ABCC12: variants seen among roughly 807,000 people sequenced by gnomAD.
The protein encoded by ABCC12 is ATP-binding cassette sub-family C member 12.
ABCC12 carries 142 observed loss-of-function variants against 151.1 expected under a neutral mutation model. The ratio of observed to expected loss-of-function variants is 0.94; its 90% CI spans 0.82 to 1.08. The LOEUF (loss-of-function observed/expected upper bound fraction) is 1.08. ABCC12 is among the 50% of genes least tolerant of loss of function. ABCC12 has a pLI of 0.00. For missense variants in ABCC12, 1,638 were observed against 1,691.1 expected (o/e 0.97, Z 0.55); for synonymous variants, 645 against 646.4 (o/e 1.00, Z 0.03).
Position 48,104,273 on chromosome 16 carries a change from CA to C in ABCC12, c.2768del (p.Leu923ArgfsTer20). 1 of 1,614,274 alleles carries C rather than the reference CA, an allele frequency of 6.2e-7. No homozygotes were observed. Among genetic ancestry groups the C allele is most frequent in the South Asian group, 1.1e-5 (1 of 91,088 alleles). On this transcript the variant is annotated frameshift_variant, in exon 22 of 31. Transcript: ENST00000311303. LOFTEE classifies it high-confidence loss of function. Reference sequence around the variant, plus strand: ...GCAGAAAGTTCTCTGCGTGAAACGGCAGCCTCACATCCAGCTCGTCCATATC... The same window carrying C: ...GCAGAAAGTTCTCTGCGTGAAACGGCGCCTCACATCCAGCTCGTCCATATC... Reference protein sequence around the residue: ...SKDMDELDVRLPFHAENFLQQ... With the variant: ...SKDMDELDVRXPFHAENFLQQ...
At chr16:48,148,698 A>G (rs1016009457) in intron 2 of ABCC12, among the ~76,000 whole-genome samples, 2 of 151,862 alleles carry the variant, frequency 1.3e-5, no homozygotes, top group Non-Finnish European at 2.9e-5. Context: ...CACTCCAGCC[A>G]TGTGGAATAT....
chr16:48,110,290 T>G (rs970853952), intron 18 of ABCC12, among the ~76,000 whole-genome samples: 1 of 152,228 alleles, frequency 6.6e-6, no homozygotes, highest in Non-Finnish European at 1.5e-5. Flanking sequence ...TTTGCTAGTA[T>G]GTCATATCGT....
chr16:48,099,397 AAAAAAT>A (rs994294400), intron 23 of ABCC12, among the ~76,000 whole-genome samples: 47 of 152,196 alleles, frequency 3.1e-4, no homozygotes, highest in Admixed American at 2.8e-3. Context: ...ACTCTGTCTC[AAAAAAT>A]AAAAATAAAA....
rs1962401932 is a variant in ABCC12, at chr16:48,082,863, G to A, written c.*852C>T. 1 of 152,172 alleles carries A rather than the reference G, an allele frequency of 6.6e-6. No individual in the cohort carries two copies. Among genetic ancestry groups the A allele is most frequent in the African/African-American group, 2.4e-5 (1 of 41,428 alleles). The allele number at this position is 152,172 out of a possible 1,614,324, so 9.4% of individuals were successfully genotyped here. Reference sequence around the variant, plus strand: ...TGAGTTAGCAGCGCTCACTCCTGGGGCTGCTGGGAATACATCTTTACTGCT... The same window carrying A: ...TGAGTTAGCAGCGCTCACTCCTGGGACTGCTGGGAATACATCTTTACTGCT... On this transcript the variant is annotated 3_prime_UTR_variant, in exon 31 of 31. Transcript: ENST00000311303.
In ABCC12 at chr16:48,104,302, T is replaced by TG; in HGVS notation, c.2739dup (p.Lys914GlnfsTer106). 6.2e-7 allele frequency: 1 copy of TG among 1,614,236 alleles called. No individual in the cohort carries two copies. The highest frequency in any genetic ancestry group is 8.5e-7 in the Non-Finnish European group (1 of 1,180,030). On this transcript the variant is annotated frameshift_variant, in exon 22 of 31. Transcript: ENST00000311303. LOFTEE classifies it high-confidence loss of function. ...CTCACATCCAGCTCGTCCATATCCT[T>TG]GGAAAAACGGTTCATTAGCCTGCCA...
intron 13 of ABCC12, among the ~76,000 whole-genome samples, chr16:48,119,703 G>A (rs987816919): frequency 6.6e-6 from 1 of 152,190 alleles, no homozygotes; most frequent in African/African-American, 2.4e-5. Context: ...AGATGAGAAA[G>A]GCCAAACTAC....
intron 27 of ABCC12, 111 bp downstream of exon 27, chr16:48,087,815 C>T: frequency 4.9e-6 from 6 of 1,227,100 alleles, no homozygotes; most frequent in Middle Eastern, 2.6e-4. Context: ...TACTGCTTCC[C>T]TCAGACAGAA....
At position 48,088,570 on chromosome 16, in the gene ABCC12, G is replaced by T; in HGVS notation, c.3450C>A (p.Val1150=). The change falls in exon 26 of 31, where the codon GTC becomes GTA. Residue 1150 remains valine (V), a synonymous_variant. Transcript: ENST00000311303. ...CGGAACCTGTTCTTCCAACAATCCC[G>T]ACTGTCTGCCCACTTTGTATGTTCA... is the stretch of plus-strand genomic sequence containing the variant. ...LNLNIQSGQT[V]GIVGRTGSGK... is the part of the protein sequence containing the mutation. 1 of 1,614,034 alleles carries T rather than the reference G, an allele frequency of 6.2e-7. No individual in the cohort carries two copies. Among genetic ancestry groups the T allele is most frequent in the South Asian group, 1.1e-5 (1 of 91,018 alleles).
intron 7 of ABCC12, 93 bp from the exon 8 acceptor site, chr16:48,138,468 A>G (rs1028695691): frequency 6.9e-7 from 1 of 1,445,306 alleles, no homozygotes; most frequent in African/African-American, 1.4e-5. Flanking sequence ...TGCCAGAAAA[A>G]GTTCTAAAGG....
intron 14 of ABCC12, 40 bp from the exon 15 acceptor site, chr16:48,115,658 C>A (rs1963858306): frequency 1.9e-6 from 3 of 1,572,522 alleles, no homozygotes; most frequent in African/African-American, 1.4e-5. Flanking sequence ...TGTCAGCCCA[C>A]CCTGAAGTTC....
intron 15 of ABCC12, among the ~76,000 whole-genome samples, chr16:48,112,626 T>C (rs1222657967): frequency 6.6e-6 from 1 of 152,050 alleles, no homozygotes; most frequent in African/African-American, 2.4e-5. Flanking sequence ...CGAAATCTGA[T>C]CATGGAGATT....
intron 13 of ABCC12, 115 bp from the exon 14 acceptor site, chr16:48,117,448 G>T: frequency 1.8e-6 from 2 of 1,127,982 alleles, no homozygotes; most frequent in South Asian, 1.4e-5. Flanking sequence ...GGTGGCGGCT[G>T]CTATGTCCAA....
chr16:48,129,200 A>G (rs1445059186), intron 10 of ABCC12, among the ~76,000 whole-genome samples: 1 of 152,268 alleles, frequency 6.6e-6, no homozygotes, highest in African/African-American at 2.4e-5. Context: ...AAATGCAAAT[A>G]TAAATAAGAC....
At chr16:48,137,812 G>A (rs561699480) in intron 8 of ABCC12, among the ~76,000 whole-genome samples, 1 of 152,286 alleles carries the variant, frequency 6.6e-6, no homozygotes, top group East Asian at 1.9e-4. Context: ...TGAGTCAGTG[G>A]ACCATCCGAA....
chr16:48,140,884 T>C lies in ABCC12; in HGVS notation c.460A>G (p.Arg154Gly). The change falls in exon 6 of 31, where the codon AGG becomes GGG. Residue 154 changes from arginine (R) to glycine (G), a missense_variant. By Grantham distance (125) the Arg-to-Gly change is moderately radical. Coordinates refer to ENST00000311303, the MANE Select transcript of ABCC12 (RefSeq NM_001393797.1). The part of the protein sequence containing the change: ...LIHQILQQTE[R>G]TSGKVWVGIG... ...CCAACCCAGACTTTCCCAGAGGTCC[T>C]CTCAGTCTGCTGGAGGATTTGGTGA... 6 of 1,614,096 alleles carry C rather than the reference T, an allele frequency of 3.7e-6. No individual in the cohort carries two copies. Among genetic ancestry groups the C allele is most frequent in the Non-Finnish European group, 3.4e-6 (4 of 1,180,014 alleles).
chr16:48,117,439 G>T, intron 13 of ABCC12, 106 bp from the exon 14 acceptor site: 1 of 1,244,136 alleles, frequency 8.0e-7, no homozygotes. Flanking sequence ...AAGGCCAGGG[G>T]TGGCGGCTGC....
At chr16:48,086,915 G>A in intron 27 of ABCC12, 96 bp from the exon 28 acceptor site, 1 of 1,020,564 alleles carries the variant, frequency 9.8e-7, no homozygotes, top group Non-Finnish European at 1.5e-6. Context: ...AGGAGGGTAG[G>A]AGGTGGCATG....
At chr16:48,091,262 C>A in intron 24 of ABCC12, 53 bp from the exon 25 acceptor site, 1 of 1,515,904 alleles carries the variant, frequency 6.6e-7, no homozygotes, top group South Asian at 1.1e-5. Context: ...CCTTCGGGTT[C>A]TGCAGCTCCC....
chr16:48,085,540 G>C, intron 29 of ABCC12, 53 bp downstream of exon 29: 1 of 1,498,506 alleles, frequency 6.7e-7, no homozygotes, highest in Non-Finnish European at 9.3e-7. Flanking sequence ...GGATTGAGTG[G>C]CGCTGCGGGA....
Sources: gnomAD v4.1 joint callset for allele counts (sites outside exome capture counted in the v4.1 genomes callset) on GRCh38, gnomAD v4.1.1 for gene constraint, MANE v1.5 for transcripts, NCBI Gene and HGNC (gene_info 2026-07-23, HGNC 2026-07-21) for gene names.